The following KIF13B variants were observed in gnomAD, a reference collection of about 807,000 sequenced individuals.
The protein encoded by KIF13B is kinesin-like protein KIF13B.
Under a neutral mutation model 222.0 loss-of-function variants are expected in KIF13B, and 127 were observed. The observed-to-expected ratio is 0.57, with a 90% CI of 0.50 to 0.66. KIF13B has a LOEUF of 0.66. KIF13B is among the 30% of genes least tolerant of loss of function. The pLI is 0.00. For synonymous variants in KIF13B, 976 were observed against 919.0 expected, an observed-to-expected ratio of 1.06 and a Z score of -1.12; for missense variants, 2,173 against 2,379.0, an observed-to-expected ratio of 0.91 and a Z score of 1.80.
At chr8:29,122,335 C>A (rs1392928917) in intron 29 of KIF13B, among the ~76,000 whole-genome samples, 1 of 152,156 alleles carries the variant, frequency 6.6e-6, no homozygotes, top group Non-Finnish European at 1.5e-5. Context: ...ACCAGGAGAA[C>A]AGAGCATCCA....
chr8:29,227,019 C>T (rs534224259), intron 2 of KIF13B, among the ~76,000 whole-genome samples: 4 of 152,266 alleles, frequency 2.6e-5, no homozygotes, highest in Non-Finnish European at 5.9e-5. Context: ...AGGCAAAGTA[C>T]TTTGAAATAG....
chr8:29,189,926 A>G (rs900096840), intron 4 of KIF13B: 1 of 152,262 alleles, frequency 6.6e-6, no homozygotes, highest in African/African-American at 2.4e-5. Context: ...TCCAATCAAC[A>G]TTAAAAACTC....
chr8:29,173,977 G>A (rs916177129), intron 10 of KIF13B, among the ~76,000 whole-genome samples: 119 of 150,016 alleles, frequency 7.9e-4, no homozygotes, highest in African/African-American at 2.7e-3. Context: ...GTAATGAAAC[G>A]ATTTAAAAAA....
intron 32 of KIF13B, among the ~76,000 whole-genome samples, chr8:29,110,903 T>C (rs1322932071): frequency 6.6e-6 from 1 of 152,248 alleles, no homozygotes; most frequent in African/African-American, 2.4e-5. Flanking sequence ...TATAACCATA[T>C]GCCACTGCAT....
Position 29,092,867 on chromosome 8 carries a change from G to A in KIF13B, c.4336C>T (p.Leu1446Phe). The A allele has an allele frequency of 6.2e-6, 10 of 1,610,108 alleles. No homozygotes were observed. Among genetic ancestry groups the A allele is most frequent in the Non-Finnish European group, 8.5e-6 (10 of 1,178,128 alleles). The change falls in exon 37 of 40, where the codon CTT (leucine) becomes TTT (phenylalanine). Residue 1446 changes from leucine (L) to phenylalanine (F), a missense_variant. By Grantham distance (22) the Leu-to-Phe change is conservative (BLOSUM62 0). This residue lies in a region of KIF13B where 693 missense variants were observed against 656.2 expected (regional missense o/e 1.06). Coordinates refer to ENST00000524189, the MANE Select transcript of KIF13B (RefSeq NM_015254.4). ...ACAGGATTCAAGTAGGATGCTGCAAGGTTACTGAGTCCTGCCCATATTACA... is the reference window on the plus strand; with the variant it reads ...ACAGGATTCAAGTAGGATGCTGCAAAGTTACTGAGTCCTGCCCATATTACA... ...NHSPDPGLSN[L>F]AASYLNPVKS...
chr8:29,094,088 G>A (rs1808414564), intron 36 of KIF13B, among the ~76,000 whole-genome samples: 1 of 152,018 alleles, frequency 6.6e-6, no homozygotes, highest in East Asian at 1.9e-4. Context: ...TGAATCAAAG[G>A]CCGCACATAT....
At chr8:29,098,215 C>T (rs1808628126) in intron 36 of KIF13B, among the ~76,000 whole-genome samples, 1 of 124,198 alleles carries the variant, frequency 8.1e-6, no homozygotes, top group African/African-American at 3.1e-5. Flanking sequence ...TGAAAATAAA[C>T]TTAATAATCT....
Position 29,070,680 on chromosome 8 carries a change from T to C in KIF13B, c.5305A>G (p.Arg1769Gly), listed in dbSNP as rs952182226. The C allele has an allele frequency of 6.4e-7, 1 of 1,561,042 alleles. No homozygotes were observed. Among genetic ancestry groups the C allele is most frequent in the African/African-American group, 1.4e-5 (1 of 73,650 alleles). ...GLLVRPSRVR[R>G]ATGPVRRRST... is the part of the protein sequence containing the mutation. ...CGCCGCCGCACAGGGCCCGTGGCCC[T>C]GCGGACCCGGCTGGGCCTGACCAGC... Residue 1769 changes from arginine to glycine, a missense_variant, in exon 40 of 40, where the codon AGG becomes GGG. Physicochemically the swap from Arg to Gly is moderately radical, Grantham distance 125. This residue lies in a region of KIF13B where 693 missense variants were observed against 656.2 expected (regional missense o/e 1.06). Coordinates refer to ENST00000524189, the MANE Select transcript of KIF13B (RefSeq NM_015254.4). The surrounding 1 kb of genome is among the most constrained non-coding windows in gnomAD (Gnocchi z 4.1).
rs749483065 is a variant in KIF13B, at chr8:29,070,620, G to A, written c.5365C>T (p.Arg1789Cys). 37 of 1,576,422 alleles carry A rather than the reference G, an allele frequency of 2.3e-5. No homozygotes were observed. The highest frequency in any genetic ancestry group is 6.8e-5 in the African/African-American group (5 of 73,986). The change falls in exon 40 of 40, where the codon CGC (arginine) becomes TGC (cysteine). Residue 1789 changes from arginine to cysteine, a missense_variant. Transcript: ENST00000524189. This position sits in a 1 kb window ranked among gnomAD's most constrained non-coding sequence, Gnocchi z 4.1. ...TGLRLGAPEA[R>C]RSATLSGSAT... Reference sequence around the variant, plus strand: ...GAGCCCGAGAGGGTGGCGCTCCGGCGGGCCTCGGGGGCACCCAGCCGGAGT... The same window carrying A: ...GAGCCCGAGAGGGTGGCGCTCCGGCAGGCCTCGGGGGCACCCAGCCGGAGT...
rs374317251 is a variant in KIF13B at position 29,070,798 on chromosome 8, C to A, written c.5219-32G>T. The A allele has an allele frequency of 1.6e-4, 255 of 1,576,568 alleles. No individual in the cohort carries two copies. The African/African-American group carries it at 3.2e-3, about 20-fold the overall frequency. ...GGGAAGGAGAGGGTGATATGGAGGG[C>A]AGCCGAGCTGCAGACGGCCCCCTGC... On this transcript the variant is annotated intron_variant, in intron 39 of 39. Coordinates refer to ENST00000524189, the MANE Select transcript of KIF13B (RefSeq NM_015254.4). The surrounding 1 kb of genome is among the most constrained non-coding windows in gnomAD (Gnocchi z 4.1).
intron 18 of KIF13B, 53 bp downstream of exon 18, chr8:29,146,325 A>G (rs752675784): frequency 1.4e-5 from 22 of 1,558,874 alleles, no homozygotes; most frequent in Non-Finnish European, 1.9e-5. Flanking sequence ...AGGAAATATC[A>G]GGCGATCTTA....
At chr8:29,231,208 C>T (rs923971113) in intron 2 of KIF13B, among the ~76,000 whole-genome samples, 1 of 152,172 alleles carries the variant, frequency 6.6e-6, no homozygotes, top group Non-Finnish European at 1.5e-5. Flanking sequence ...CAGTCTCTGT[C>T]CCCCATCCTA....
At chr8:29,259,518 A>G (rs1816606031) in intron 1 of KIF13B, among the ~76,000 whole-genome samples, 1 of 152,226 alleles carries the variant, frequency 6.6e-6, no homozygotes, top group African/African-American at 2.4e-5. Context: ...CTTGAGGAAA[A>G]GCATTAAGAT....
intron 2 of KIF13B, among the ~76,000 whole-genome samples, chr8:29,206,778 G>C (rs1399518711): frequency 6.6e-6 from 1 of 152,204 alleles, no homozygotes; most frequent in Non-Finnish European, 1.5e-5. Flanking sequence ...GTGAATGAAT[G>C]AATGAGTAAA....
Position 29,122,609 on chromosome 8 carries a change from T to C in KIF13B, c.3517A>G (p.Ile1173Val). Residue 1173 changes from isoleucine to valine, a missense_variant, in exon 29 of 40, where the codon ATA (isoleucine) becomes GTA (valine). This residue lies in a region of KIF13B where 1,480 missense variants were observed against 1,722.8 expected (regional missense o/e 0.86). Transcript: ENST00000524189. The stretch of plus-strand genomic sequence containing the variant: ...AACTTACCATTTAAGTCCAGGAATA[T>C]AACAGGAATGTGTGTCTCCATCCCA... ...VPGMETHIPV[I>V]FLDLNADDFS... 6.2e-7 allele frequency: 1 copy of C among 1,610,446 alleles called. No homozygotes were observed. The highest frequency in any genetic ancestry group is 8.5e-7 in the Non-Finnish European group (1 of 1,178,302).
intron 14 of KIF13B, among the ~76,000 whole-genome samples, 159 bp downstream of exon 14, chr8:29,155,567 G>A (rs1811483092): frequency 6.6e-6 from 1 of 152,114 alleles, no homozygotes. Context: ...AGGAAGGAAT[G>A]GGTGTGAGAG....
At chr8:29,164,579 C>A (rs1811910923) in intron 12 of KIF13B, among the ~76,000 whole-genome samples, 1 of 152,122 alleles carries the variant, frequency 6.6e-6, no homozygotes, top group South Asian at 2.1e-4. Flanking sequence ...ACTTAACGCT[C>A]TTAGCTACAA....
At chr8:29,135,146 C>T (rs113731272) in intron 21 of KIF13B, among the ~76,000 whole-genome samples, 13 of 152,016 alleles carry the variant, frequency 8.6e-5, no homozygotes, top group South Asian at 2.1e-4. Context: ...AGAGTTCAAG[C>T]GATCCTCCAG....
At chr8:29,144,036 T>TC (rs1329127445) in intron 18 of KIF13B, among the ~76,000 whole-genome samples, 40 of 137,640 alleles carry the variant, frequency 2.9e-4, no homozygotes, top group South Asian at 1.4e-3. Context: ...ACCACAAAGT[T>TC]AAAAAAAAAA....
Sources: allele counts gnomAD v4.1 joint callset (sites outside exome capture counted in the v4.1 genomes callset), GRCh38; gene constraint gnomAD v4.1.1; regional missense constraint gnomAD v4.1.1; non-coding constraint Gnocchi (gnomAD v3.1); transcripts MANE v1.5; gene names NCBI Gene and HGNC (gene_info 2026-07-23, HGNC 2026-07-21).